The following GLI3 variants were observed in gnomAD, a reference collection of about 807,000 sequenced individuals.
GLI3 encodes the protein GLI family zinc finger 3.
Under a neutral mutation model 100.8 loss-of-function variants are expected in GLI3, and 20 were observed. That is an observed-to-expected ratio of 0.20 (90% confidence interval 0.14 to 0.29). The LOEUF is 0.29. GLI3 is among the 10% of genes least tolerant of loss of function. The pLI is 1.00. For synonymous variants in GLI3, 938 were observed against 860.5 expected (o/e 1.09, Z -1.58); for missense variants, 2,040 against 2,128.5 (o/e 0.96, Z 0.82).
intron 1 of GLI3, among the ~76,000 whole-genome samples, chr7:42,225,929 T>C (rs1317432320): frequency 1.3e-5 from 2 of 152,216 alleles, no homozygotes; most frequent in Non-Finnish European, 2.9e-5. Context: ...GTAAGAATGT[T>C]TACTGAGTAC....
At chr7:42,201,862 T>A (rs1266011070) in intron 2 of GLI3, among the ~76,000 whole-genome samples, 1 of 152,042 alleles carries the variant, frequency 6.6e-6, no homozygotes, top group Non-Finnish European at 1.5e-5. Context: ...GGCGGGCAGA[T>A]CACAAGGTCA....
At chr7:42,263,281 A>G (rs369225824) in intron 1 of GLI3, among the ~76,000 whole-genome samples, 1 of 152,134 alleles carries the variant, frequency 6.6e-6, no homozygotes, top group Non-Finnish European at 1.5e-5. Flanking sequence ...CATAACAAGA[A>G]AGTGCCTCCC....
At chr7:42,120,997 CA>C (rs1246996693) in intron 3 of GLI3, among the ~76,000 whole-genome samples, 1 of 152,130 alleles carries the variant, frequency 6.6e-6, no homozygotes, top group Non-Finnish European at 1.5e-5. Flanking sequence ...AAACCACCAC[CA>C]AAAAGAGATA....
chr7:42,035,113 C>T (rs376490493), intron 7 of GLI3, among the ~76,000 whole-genome samples: 2 of 152,198 alleles, frequency 1.3e-5, no homozygotes, highest in South Asian at 4.1e-4. Context: ...TACTGAAAAT[C>T]GGGGAAGGGA....
At chr7:42,239,637 A>C (rs942157134), upstream of GLI3, among the ~76,000 whole-genome samples, 1 of 152,236 alleles carries the variant, frequency 6.6e-6, no homozygotes, top group African/African-American at 2.4e-5. Context: ...TTCGACTCTT[A>C]CTTCAGTCTT....
At chr7:42,138,904 C>A (rs1786494194) in intron 3 of GLI3, among the ~76,000 whole-genome samples, 1 of 152,158 alleles carries the variant, frequency 6.6e-6, no homozygotes, top group African/African-American at 2.4e-5. Flanking sequence ...GCCTGCGGCT[C>A]CCTAGGGAGC....
chr7:42,070,684 C>T (rs1784766998), intron 4 of GLI3, among the ~76,000 whole-genome samples: 1 of 152,192 alleles, frequency 6.6e-6, no homozygotes, highest in Non-Finnish European at 1.5e-5. Context: ...TCAAAAATGT[C>T]AGCTATGGTC....
rs746243175 is a variant in GLI3, at chr7:41,964,765, C to T, written c.4308G>A (p.Leu1436=). 1.2e-6 allele frequency: 2 copies of T among 1,613,942 alleles called. No individual in the cohort carries two copies. Among genetic ancestry groups the T allele is most frequent in the South Asian group, 2.2e-5 (2 of 91,080 alleles). ...CATAGAACTGACCAGAGTAATTCTGCAGATTAGAGCACAGCGGATGGGGCT... is the reference window on the plus strand; with the variant it reads ...CATAGAACTGACCAGAGTAATTCTGTAGATTAGAGCACAGCGGATGGGGCT... ...KGQPHPLCSN[L]QNYSGQFYDQ... is the part of the protein sequence containing the mutation. Residue 1436 remains leucine, a synonymous_variant, in exon 15 of 15, where the codon CTG becomes CTA. Coordinates refer to ENST00000395925, the MANE Select transcript of GLI3 (RefSeq NM_000168.6).
chr7:42,028,725 C>T (rs1789195281), intron 7 of GLI3, among the ~76,000 whole-genome samples: 1 of 151,752 alleles, frequency 6.6e-6, no homozygotes, highest in South Asian at 2.1e-4. Flanking sequence ...GATCGCGCCA[C>T]TGCACTCCAG....
chr7:42,116,976 T>C (rs1785875416), intron 3 of GLI3, among the ~76,000 whole-genome samples: 1 of 152,220 alleles, frequency 6.6e-6, no homozygotes, highest in South Asian at 2.1e-4. Flanking sequence ...CAGATATCAC[T>C]TGTGAACTAA....
At chr7:42,108,786 C>T (rs1026095920) in intron 3 of GLI3, among the ~76,000 whole-genome samples, 1 of 152,124 alleles carries the variant, frequency 6.6e-6, no homozygotes, top group African/African-American at 2.4e-5. Flanking sequence ...CTTACCTTAG[C>T]ATAATAAAAC....
At chr7:42,192,068 ATGTCAT>A (rs1562780204) in intron 2 of GLI3, among the ~76,000 whole-genome samples, 33 of 152,314 alleles carry the variant, frequency 2.2e-4, no homozygotes, top group African/African-American at 7.9e-4. Flanking sequence ...GAACAGAGAC[ATGTCAT>A]ATTTCACAAT....
intron 3 of GLI3, among the ~76,000 whole-genome samples, chr7:42,146,402 A>G (rs187693318): frequency 5.0e-4 from 76 of 152,294 alleles, no homozygotes; most frequent in African/African-American, 1.8e-3. Flanking sequence ...GAGGACGGGA[A>G]GATTCAATGG....
chr7:42,090,631 A>G (rs774685654), intron 3 of GLI3, among the ~76,000 whole-genome samples: 2 of 152,204 alleles, frequency 1.3e-5, no homozygotes, highest in African/African-American at 2.4e-5. Context: ...CATAAGACCC[A>G]GGAAGAGTCC....
chr7:41,970,330 A>C (rs1206986631), intron 13 of GLI3, among the ~76,000 whole-genome samples: 1 of 152,120 alleles, frequency 6.6e-6, no homozygotes, highest in Non-Finnish European at 1.5e-5. Flanking sequence ...TTTATTAGTA[A>C]ATGTCTGTGA....
At chr7:42,215,891 A>C (rs200058270) in intron 2 of GLI3, among the ~76,000 whole-genome samples, 1 of 126,196 alleles carries the variant, frequency 7.9e-6, no homozygotes. Flanking sequence ...ATCCTCAATT[A>C]GCCAATCCTC....
At chr7:42,113,331 C>T (rs976815749) in intron 3 of GLI3, 2 of 628,298 alleles carry the variant, frequency 3.2e-6, no homozygotes, top group African/African-American at 3.6e-5. Flanking sequence ...CATCCTGTGC[C>T]CAGCACCTAC....
chr7:42,164,288 G>A (rs989445585), intron 2 of GLI3, among the ~76,000 whole-genome samples: 27 of 149,926 alleles, frequency 1.8e-4, no homozygotes, highest in Admixed American at 1.2e-3. Flanking sequence ...TGGGAGGCTG[G>A]AGTGGGCAGA....
At chr7:42,040,446 G>A (rs899593286) in intron 6 of GLI3, among the ~76,000 whole-genome samples, 1 of 152,196 alleles carries the variant, frequency 6.6e-6, no homozygotes, top group African/African-American at 2.4e-5. Flanking sequence ...CCTCGGGGGA[G>A]CTCTGTTTAT....
Sources: allele counts gnomAD v4.1 joint callset (sites outside exome capture counted in the v4.1 genomes callset), GRCh38; gene constraint gnomAD v4.1.1; transcripts MANE v1.5; gene names NCBI Gene and HGNC (gene_info 2026-07-23, HGNC 2026-07-21).